The following LIMS2 variants were observed in gnomAD, a reference collection of about 807,000 sequenced individuals.
The protein encoded by LIMS2 is LIM and senescent cell antigen-like-containing domain protein 2.
A neutral mutation model predicts 45.3 loss-of-function variants in LIMS2; 30 were observed. The observed-to-expected ratio is 0.66, with a 90% CI of 0.50 to 0.90. LIMS2 has a LOEUF of 0.90. Among genes scored for constraint, LIMS2 ranks in the 40% least tolerant of loss-of-function variants. LIMS2 has a pLI of 0.00. For synonymous variants in LIMS2, 173 were observed against 188.0 expected (o/e 0.92, Z 0.65); for missense variants, 485 against 468.7 (o/e 1.03, Z -0.32).
intron 4 of LIMS2, chr2:127,650,087 G>A (rs774838937): frequency 6.3e-7 from 1 of 1,599,302 alleles, no homozygotes; most frequent in Non-Finnish European, 8.5e-7. Flanking sequence ...TGGGTAAAAA[G>A]AGTAGACCTC....
chr2:127,680,228 A>G (rs2105354523), upstream of LIMS2, among the ~76,000 whole-genome samples: 1 of 152,356 alleles, frequency 6.6e-6, no homozygotes, highest in South Asian at 2.1e-4. Context: ...AGTGAGCAGG[A>G]CACCGCCCCT....
intron 6 of LIMS2, 63 bp from the exon 7 acceptor site, chr2:127,641,051 G>A: frequency 1.5e-6 from 2 of 1,354,352 alleles, no homozygotes; most frequent in Non-Finnish European, 2.1e-6. Flanking sequence ...GAGGGACAGT[G>A]GTGACCCGGG....
At chr2:127,641,932 T>C (rs1225807116) in intron 6 of LIMS2, 117 bp downstream of exon 6, 37 of 1,253,020 alleles carry the variant, frequency 3.0e-5, no homozygotes, top group South Asian at 1.3e-4. Context: ...AAGGGCCTCG[T>C]TGGGAGCCAG....
At chr2:127,643,325 T>G in intron 4 of LIMS2, 1 of 554,388 alleles carries the variant, frequency 1.8e-6, no homozygotes. Context: ...GGATGGTATT[T>G]TCCTCTTTCT....
chr2:127,651,607 C>A, intron 4 of LIMS2: 1 of 1,613,526 alleles, frequency 6.2e-7, no homozygotes, highest in Non-Finnish European at 8.5e-7. Context: ...CTCAACGGGG[C>A]ACTCGACCCC....
chr2:127,671,338 C>T lies in LIMS2; in HGVS notation c.11+3676G>A, dbSNP rs540056672. Among the ~76,000 whole-genome samples, 1 of 151,530 alleles carries T rather than the reference C, an allele frequency of 6.6e-6. No individual in the cohort carries two copies. ...GTCCCAGCTACTTGGGAGGCTGAGG[C>T]AAGAGAATTGCTTGAACCTGGGAGG... On this transcript the variant is annotated intron_variant, in intron 1 of 9. Transcript: ENST00000355119. The surrounding 1 kb of genome is among the most constrained non-coding windows in gnomAD (Gnocchi z 4.1).
chr2:127,677,867 G>A (rs752539332), upstream of LIMS2, among the ~76,000 whole-genome samples: 89 of 152,248 alleles, frequency 5.8e-4, no homozygotes, highest in Non-Finnish European at 1.1e-3. The surrounding 1 kb of genome is among the most constrained non-coding windows in gnomAD (Gnocchi z 5.0). Context: ...ATTACACCCC[G>A]GACTGCCCTG....
rs958285675 is a variant in LIMS2 at position 127,647,493 on chromosome 2, G to C, written c.360-4421C>G. On this transcript the variant is annotated intron_variant, in intron 4 of 9. Coordinates refer to ENST00000355119, the MANE Select transcript of LIMS2 (RefSeq NM_001161403.3). The surrounding 1 kb of genome is among the most constrained non-coding windows in gnomAD (Gnocchi z 4.3). Reference sequence around the variant, plus strand: ...AGGCAGGCCCCCACCATGCCAGGCAGAGTGGTCAGTCGTACCTATGAGCTG... The same window carrying C: ...AGGCAGGCCCCCACCATGCCAGGCACAGTGGTCAGTCGTACCTATGAGCTG... Among the ~76,000 whole-genome samples, 1 of 152,168 alleles carries C rather than the reference G, an allele frequency of 6.6e-6. No individual in the cohort carries two copies. Among genetic ancestry groups the C allele is most frequent in the African/African-American group, 2.4e-5 (1 of 41,434 alleles).
At chr2:127,679,276 T>TG (rs906206546), upstream of LIMS2, among the ~76,000 whole-genome samples, 18 of 149,304 alleles carry the variant, frequency 1.2e-4, no homozygotes, top group African/African-American at 4.2e-4. The surrounding 1 kb of genome is among the most constrained non-coding windows in gnomAD (Gnocchi z 5.3). Context: ...ACAGTGCCCC[T>TG]GGGGGGAGAA....
Position 127,654,563 on chromosome 2 carries a change from C to T in LIMS2, c.239-19G>A, listed in dbSNP as rs199991279. The T allele has an allele frequency of 7.4e-6, 12 of 1,614,084 alleles. No individual in the cohort carries two copies. In the South Asian group the frequency reaches 1.2e-4, roughly 16 times the overall value. Reference sequence around the variant, plus strand: ...AACTCACCTGGAAGAAGACAGGTCCCTGCTGGCTGGGGAGCACGTGCCTGT... The same window carrying T: ...AACTCACCTGGAAGAAGACAGGTCCTTGCTGGCTGGGGAGCACGTGCCTGT... On this transcript the variant is annotated intron_variant, in intron 3 of 9. Coordinates refer to ENST00000355119, the MANE Select transcript of LIMS2 (RefSeq NM_001161403.3).
intron 1 of LIMS2, among the ~76,000 whole-genome samples, chr2:127,668,316 G>C: frequency 6.6e-6 from 1 of 151,878 alleles, no homozygotes; most frequent in Non-Finnish European, 1.5e-5. Flanking sequence ...AATAGACAAG[G>C]CATTCCTAAA....
intron 4 of LIMS2, chr2:127,650,020 A>G (rs1246327935): frequency 1.2e-6 from 2 of 1,608,538 alleles, no homozygotes. Flanking sequence ...GGATGTCCAA[A>G]CGGAGTTGGT....
rs111573619 is a variant in LIMS2 at position 127,644,376 on chromosome 2, G to A, written c.360-1304C>T. ...GCCCTGGCTCTTACACCCCAGCGAC[G>A]GGAAGCAGTTGTGGCCTGTGGCTTC... On this transcript the variant is annotated intron_variant, in intron 4 of 9. Transcript: ENST00000355119. Among the ~76,000 whole-genome samples, 53 of 152,282 alleles carry A rather than the reference G, an allele frequency of 3.5e-4. No individual in the cohort carries two copies. The South Asian group carries it at 7.9e-3, about 23-fold the overall frequency.
At chr2:127,650,921 C>T (rs747360576) in intron 4 of LIMS2, 28 of 1,614,004 alleles carry the variant, frequency 1.7e-5, no homozygotes, top group East Asian at 2.2e-5. Flanking sequence ...ACCACAAGTC[C>T]GGGACCCCGG....
chr2:127,654,269 C>T (rs553212206), intron 4 of LIMS2, among the ~76,000 whole-genome samples, 155 bp downstream of exon 4: 4 of 152,214 alleles, frequency 2.6e-5, no homozygotes, highest in African/African-American at 4.8e-5. Context: ...CTATCCGCCC[C>T]GGGGTGACCT....
At chr2:127,651,357 A>G in intron 4 of LIMS2, 1 of 1,612,232 alleles carries the variant, frequency 6.2e-7, no homozygotes, top group Non-Finnish European at 8.5e-7. Context: ...GTTCATCACC[A>G]CGGTCACCTG....
chr2:127,642,414 G>A lies in LIMS2; in HGVS notation c.510-215C>T. The A allele has an allele frequency of 2.0e-6, 1 of 508,666 alleles. No homozygotes were observed. The highest frequency in any genetic ancestry group is 3.4e-6 in the Non-Finnish European group (1 of 295,318). The allele number at this position is 508,666 out of a possible 1,614,324, so 31.5% of individuals were successfully genotyped here. A position where few individuals can be genotyped will look rare whatever the true frequency, so the allele number is the denominator to read the frequency against. ...ACTTCCTGCACAGCCCAGAAGAGTG[G>A]GCTGTGTTCTGCACCCAGGCCTCTG... On this transcript the variant is annotated intron_variant, in intron 5 of 9. Transcript: ENST00000355119. The surrounding 1 kb of genome is among the most constrained non-coding windows in gnomAD (Gnocchi z 5.3).
chr2:127,663,173 C>T (rs1157115558), intron 1 of LIMS2, among the ~76,000 whole-genome samples: 1 of 152,212 alleles, frequency 6.6e-6, no homozygotes, highest in Non-Finnish European at 1.5e-5. Flanking sequence ...CATCAGTGCC[C>T]TGGCCACTCG....
intron 4 of LIMS2, chr2:127,650,876 T>C (rs1683689311): frequency 6.2e-7 from 1 of 1,614,110 alleles, no homozygotes; most frequent in South Asian, 1.1e-5. Flanking sequence ...TGGCTTTAGT[T>C]GGCAATACCC....
Sources: gnomAD v4.1 joint callset for allele counts (sites outside exome capture counted in the v4.1 genomes callset) on GRCh38, gnomAD v4.1.1 for gene constraint, Gnocchi (gnomAD v3.1) non-coding constraint, MANE v1.5 for transcripts, NCBI Gene and HGNC (gene_info 2026-07-23, HGNC 2026-07-21) for gene names.